The following RNF207 variants were observed in gnomAD, a reference collection of about 807,000 sequenced individuals.
RNF207 encodes OTTHUMG00000001089.
Under a neutral mutation model 79.0 loss-of-function variants are expected in RNF207, and 72 were observed. The observed-to-expected ratio is 0.91, with a 90% CI of 0.75 to 1.11. RNF207 has a LOEUF of 1.11. Among genes scored for constraint, RNF207 ranks in the 50% least tolerant of loss-of-function variants. The pLI, the probability that RNF207 is intolerant of heterozygous loss-of-function variation, is 0.00. For synonymous variants in RNF207, 348 were observed against 366.2 expected (o/e 0.95, Z 0.57); for missense variants, 936 against 855.8 (o/e 1.09, Z -1.17).
chr1:6,211,012 G>T lies in RNF207; in HGVS notation c.1012-9G>T, dbSNP rs772719030. 2 of 1,606,054 alleles carry T rather than the reference G, an allele frequency of 1.2e-6. No homozygotes were observed. The highest frequency in any genetic ancestry group is 1.7e-6 in the Non-Finnish European group (2 of 1,176,778). On this transcript the variant is annotated splice_polypyrimidine_tract_variant and intron_variant, in intron 11 of 17. Coordinates refer to ENST00000377939, the MANE Select transcript of RNF207 (RefSeq NM_207396.3). The surrounding 1 kb of genome is among the most constrained non-coding windows in gnomAD (Gnocchi z 4.2). ...GGAGGCCACCTCATGACCCCATCCC[G>T]CTGCCCAGATTGCCAGTGACCACCG...
intron 8 of RNF207, 72 bp from the exon 9 acceptor site, chr1:6,210,151 A>T (rs74049508): frequency 7.1e-7 from 1 of 1,406,284 alleles, no homozygotes; most frequent in African/African-American, 1.4e-5. Context: ...GCGAAGCTGG[A>T]GGCGGGTGGG....
chr1:6,206,677 TGCCTGCGTGGCCGCGCGACCGACGGCC>T lies in RNF207; in HGVS notation c.147_173del (p.Arg50_Leu58del), dbSNP rs1667916176. 1 of 1,605,636 alleles carries T rather than the reference TGCCTGCGTGGCCGCGCGACCGACGGCC, an allele frequency of 6.2e-7. No individual in the cohort carries two copies. Among genetic ancestry groups the T allele is most frequent in the Admixed American group, 1.7e-5 (1 of 59,966 alleles). On this transcript the variant is annotated inframe_deletion, in exon 2 of 18. Coordinates refer to ENST00000377939, the MANE Select transcript of RNF207 (RefSeq NM_207396.3). ...CTGTTTCCACGACTTCTGTGCCGGC[TGCCTGCGTGGCCGCGCGACCGACGGCC>T]GCCTCACCTGCCCGCTGTGCCAGTA... is the stretch of plus-strand genomic sequence containing the variant.
In RNF207 at chr1:6,210,924, AT is replaced by A. The variant is rs757902846; in HGVS notation, c.999del (p.Gln334ArgfsTer42). The A allele has an allele frequency of 6.2e-7, 1 of 1,606,758 alleles. No homozygotes were observed. Among genetic ancestry groups the A allele is most frequent in the Admixed American group, 1.7e-5 (1 of 59,008 alleles). On this transcript the variant is annotated frameshift_variant, in exon 11 of 18. Transcript: ENST00000377939. LOFTEE classifies it high-confidence loss of function. ...IVTRPHHLRP[I>X]QSSKIASDHR... ...CACGCGGCCGCACCACCTAAGGCCT[AT>A]TCAGAGCAGCAAGGTGTGCAGTGGC...
chr1:6,210,015 C>T (rs746723805), intron 8 of RNF207, 45 bp downstream of exon 8: 15 of 1,531,500 alleles, frequency 9.8e-6, no homozygotes, highest in Non-Finnish European at 1.3e-5. Context: ...CCCTTGGCCT[C>T]CATGGCCTCA....
chr1:6,206,511 C>G, intron 1 of RNF207, 25 bp from the exon 2 acceptor site: 1 of 1,521,148 alleles, frequency 6.6e-7, no homozygotes, highest in Non-Finnish European at 8.8e-7. Flanking sequence ...CGTGCCCCAG[C>G]CGCCCGCTTG....
chr1:6,221,205 A>T lies in RNF207; in HGVS notation c.*1798A>T, dbSNP rs1224785369. 2.0e-5 allele frequency: 3 copies of T among 152,648 alleles called. No individual in the cohort carries two copies. Among genetic ancestry groups the T allele is most frequent in the African/African-American group, 7.2e-5 (3 of 41,478 alleles). The allele number at this position is 152,648 out of a possible 1,614,324, so 9.5% of individuals were successfully genotyped here. A position where few individuals can be genotyped will look rare whatever the true frequency, so the allele number is the denominator to read the frequency against. On this transcript the variant is annotated 3_prime_UTR_variant, in exon 18 of 18. Coordinates refer to ENST00000377939, the MANE Select transcript of RNF207 (RefSeq NM_207396.3). ...AATCACACTGTGGTTGAGTGAAATCAAGTGCAGTTTTATTTAAGAACTGGA... is the reference window on the plus strand; with the variant it reads ...AATCACACTGTGGTTGAGTGAAATCTAGTGCAGTTTTATTTAAGAACTGGA...
chr1:6,208,988 C>G lies in RNF207; in HGVS notation c.432C>G (p.Ala144=). The G allele has an allele frequency of 6.5e-7, 1 of 1,533,018 alleles. No homozygotes were observed. The highest frequency in any genetic ancestry group is 8.8e-7 in the Non-Finnish European group (1 of 1,142,760). 95.0% of individuals were successfully genotyped at this position (1,533,018 alleles called of 1,614,324 possible). A position where few individuals can be genotyped will look rare whatever the true frequency, so the allele number is the denominator to read the frequency against. Reference sequence around the variant, plus strand: ...TGTTCGCGCGCCACGACATCGTGGCCCTGGGTCAGCGAAGCCGCGACGTGC... The same window carrying G: ...TGTTCGCGCGCCACGACATCGTGGCGCTGGGTCAGCGAAGCCGCGACGTGC... ...ARMFARHDIV[A]LGQRSRDVPQ... The change falls in exon 4 of 18, where the codon GCC becomes GCG. Residue 144 remains alanine (A), a synonymous_variant. Transcript: ENST00000377939.
rs1205652817 is a variant in RNF207 at position 6,213,110 on chromosome 1, C to G, written c.1579C>G (p.Leu527Val). The G allele has an allele frequency of 1.2e-6, 2 of 1,613,592 alleles. No homozygotes were observed. The highest frequency in any genetic ancestry group is 3.3e-5 in the Admixed American group (2 of 59,992). ...CCAGCTGAGGCAGGAGAATGCCTAC[C>G]TGACCACCATCACCAAGCAGATCAC... ...LLQLRQENAYLTTITKQITPY... is the reference protein window; with the variant it reads ...LLQLRQENAYVTTITKQITPY... The change falls in exon 16 of 18, where the codon CTG (leucine) becomes GTG (valine). Residue 527 changes from leucine (L) to valine (V), a missense_variant. Physicochemically the swap from Leu to Val is conservative, Grantham distance 32. Coordinates refer to ENST00000377939, the MANE Select transcript of RNF207 (RefSeq NM_207396.3).
At chr1:6,214,444 C>T (rs1021197010) in intron 16 of RNF207, among the ~76,000 whole-genome samples, 11 of 151,446 alleles carry the variant, frequency 7.3e-5, no homozygotes, top group Admixed American at 3.3e-4. Flanking sequence ...GCTCTGTTGC[C>T]GAGGCTGGAG....
chr1:6,210,012 C>A (rs571500810), intron 8 of RNF207, 42 bp downstream of exon 8: 5 of 1,534,292 alleles, frequency 3.3e-6, no homozygotes, highest in Admixed American at 2.0e-5. Context: ...TACCCCTTGG[C>A]CTCCATGGCC....
chr1:6,218,145 T>C (rs1044055221), intron 16 of RNF207, 144 bp from the exon 17 acceptor site: 184 of 618,238 alleles, frequency 3.0e-4, no homozygotes, highest in Non-Finnish European at 3.2e-4. Context: ...CACTGGACCT[T>C]AGTAAATATT....
chr1:6,208,133 A>C (rs1459469175), intron 3 of RNF207: 1 of 184,982 alleles, frequency 5.4e-6, no homozygotes, highest in Non-Finnish European at 1.2e-5. Context: ...CTGCAGGCCA[A>C]GCCCTGGAAT....
Position 6,207,009 on chromosome 1 carries a change from C to G in RNF207, c.191+283C>G, listed in dbSNP as rs539367911. On this transcript the variant is annotated intron_variant, in intron 2 of 17. Transcript: ENST00000377939. The surrounding 1 kb of genome is among the most constrained non-coding windows in gnomAD (Gnocchi z 4.5). ...GGCGGGGCTCCAGCACTGGTCAGGA[C>G]GCTCCCGGTTACTCGCTTGGGGGTC... Among the ~76,000 whole-genome samples, 2 of 151,928 alleles carry G rather than the reference C, an allele frequency of 1.3e-5. No homozygotes were observed. The highest frequency in any genetic ancestry group is 6.6e-5 in the Admixed American group (1 of 15,236).
chr1:6,211,021 A>C lies in RNF207; in HGVS notation c.1012A>C (p.Ile338Leu). 6.2e-7 allele frequency: 1 copy of C among 1,608,726 alleles called. No individual in the cohort carries two copies. The highest frequency in any genetic ancestry group is 8.5e-7 in the Non-Finnish European group (1 of 1,178,340). ...HHLRPIQSSK[I>L]ASDHRAEFAR... is the part of the protein sequence containing the mutation. ...CTCATGACCCCATCCCGCTGCCCAG[A>C]TTGCCAGTGACCACCGAGCTGAATT... The change falls in exon 12 of 18, where the codon ATT becomes CTT. Residue 338 changes from isoleucine to leucine, a missense_variant and splice_region_variant. Transcript: ENST00000377939. This position sits in a 1 kb window ranked among gnomAD's most constrained non-coding sequence, Gnocchi z 4.2.
At chr1:6,212,078 G>T (rs755641233) in intron 13 of RNF207, 25 bp downstream of exon 13, 61 of 1,547,450 alleles carry the variant, frequency 3.9e-5, no homozygotes, top group Middle Eastern at 1.7e-4. Context: ...ATCTGCCGGA[G>T]GGGGGAGATG....
At chr1:6,216,151 G>A (rs543665341) in intron 16 of RNF207, among the ~76,000 whole-genome samples, 4 of 152,250 alleles carry the variant, frequency 2.6e-5, no homozygotes, top group African/African-American at 9.6e-5. Flanking sequence ...CTCAGACTTC[G>A]GCTGCAGTGG....
chr1:6,215,578 T>G (rs1157908502), intron 16 of RNF207, among the ~76,000 whole-genome samples: 1 of 152,220 alleles, frequency 6.6e-6, no homozygotes, highest in Non-Finnish European at 1.5e-5. Flanking sequence ...GGACACAATA[T>G]CTTACACCTC....
chr1:6,210,434 G>A lies in RNF207; in HGVS notation c.938G>A (p.Gly313Asp), dbSNP rs1668115064. Residue 313 changes from glycine (G) to aspartate (D), a missense_variant, in exon 10 of 18, where the codon GGC becomes GAC. By Grantham distance (94) the Gly-to-Asp change is moderately conservative. Coordinates refer to ENST00000377939, the MANE Select transcript of RNF207 (RefSeq NM_207396.3). ...LANKAEFLDL[G>D]YELMERLQGI... ...AACAAGGCTGAGTTCCTGGACCTGG[G>A]CTATGTGAGTCTCCTCTGCTCCTGC... 6.2e-7 allele frequency: 1 copy of A among 1,612,912 alleles called. No homozygotes were observed. Among genetic ancestry groups the A allele is most frequent in the Non-Finnish European group, 8.5e-7 (1 of 1,179,672 alleles).
chr1:6,212,166 A>C, intron 13 of RNF207, 65 bp from the exon 14 acceptor site: 6 of 1,552,944 alleles, frequency 3.9e-6, no homozygotes, highest in Non-Finnish European at 5.3e-6. Context: ...CCATTCCTCC[A>C]CCAAGTCCAT....
Sources: gnomAD v4.1 joint callset for allele counts (sites outside exome capture counted in the v4.1 genomes callset) on GRCh38, gnomAD v4.1.1 for gene constraint, Gnocchi (gnomAD v3.1) non-coding constraint, MANE v1.5 for transcripts, NCBI Gene and HGNC (gene_info 2026-07-23, HGNC 2026-07-21) for gene names.